Variants in GPD2 observed in about 807,000 individuals in gnomAD.
GPD2 encodes the protein glycerol-3-phosphate dehydrogenase, mitochondrial.
Under a neutral mutation model 82.4 loss-of-function variants are expected in GPD2, and 54 were observed. That is an observed-to-expected ratio of 0.66 (90% confidence interval 0.53 to 0.82). The LOEUF (loss-of-function observed/expected upper bound fraction) is 0.82. GPD2 is among the 40% of genes least tolerant of loss of function. The pLI, the probability that GPD2 is intolerant of heterozygous loss-of-function variation, is 0.00. For synonymous variants in GPD2, 288 were observed against 306.1 expected (o/e 0.94, Z 0.62); for missense variants, 748 against 896.2 (o/e 0.83, Z 2.11).
At chr2:156,515,450 G>A (rs1475067411) in intron 6 of GPD2, among the ~76,000 whole-genome samples, 1 of 151,710 alleles carries the variant, frequency 6.6e-6, no homozygotes, top group Admixed American at 6.6e-5. Flanking sequence ...GTTTTACATT[G>A]GTTTGGTATT....
chr2:156,580,555 T>C (rs1170989148), intron 16 of GPD2, among the ~76,000 whole-genome samples: 1 of 152,202 alleles, frequency 6.6e-6, no homozygotes, highest in Non-Finnish European at 1.5e-5. Flanking sequence ...TCTGTAGTGC[T>C]TCTTGGGCAG....
intron 2 of GPD2, among the ~76,000 whole-genome samples, chr2:156,490,474 T>A (rs533130191): frequency 3.9e-5 from 6 of 152,282 alleles, no homozygotes; most frequent in Admixed American, 2.6e-4. Context: ...CTGTATGTTT[T>A]AAAAAAATAT....
At chr2:156,556,728 C>T (rs1431426060) in intron 8 of GPD2, among the ~76,000 whole-genome samples, 4 of 152,098 alleles carry the variant, frequency 2.6e-5, no homozygotes, top group African/African-American at 9.7e-5. Flanking sequence ...TAGGACATTA[C>T]TATTTAGGGA....
intron 13 of GPD2, among the ~76,000 whole-genome samples, chr2:156,576,709 G>A (rs1388505396): frequency 1.3e-5 from 2 of 152,164 alleles, no homozygotes; most frequent in African/African-American, 2.4e-5. Flanking sequence ...ATTGAGTACC[G>A]TTTATGAAAA....
At chr2:156,434,950 C>T (rs1558896156), upstream of GPD2, among the ~76,000 whole-genome samples, 1 of 152,184 alleles carries the variant, frequency 6.6e-6, no homozygotes. Context: ...GCAGATCCCA[C>T]GTCCAGACTG....
At chr2:156,449,601 C>G (rs1682481216) in intron 1 of GPD2, among the ~76,000 whole-genome samples, 1 of 152,058 alleles carries the variant, frequency 6.6e-6, no homozygotes, top group Non-Finnish European at 1.5e-5. Flanking sequence ...TACATGCCAT[C>G]AAAGATTATG....
At chr2:156,451,849 T>C (rs188308341) in intron 1 of GPD2, among the ~76,000 whole-genome samples, 1,843 of 147,228 alleles carry the variant, frequency 0.013, 16 homozygotes, top group African/African-American at 0.018. Flanking sequence ...ACTTCTCAGA[T>C]GGGCGGAGGG....
At chr2:156,484,490 T>C (rs1355060077) in intron 2 of GPD2, among the ~76,000 whole-genome samples, 1 of 152,152 alleles carries the variant, frequency 6.6e-6, no homozygotes, top group East Asian at 1.9e-4. Context: ...TCCTAAATAG[T>C]CTTTGTTTTT....
chr2:156,434,495 G>T (rs1452387336), upstream of GPD2, among the ~76,000 whole-genome samples: 1 of 152,142 alleles, frequency 6.6e-6, no homozygotes, highest in Non-Finnish European at 1.5e-5. Context: ...ATTGTCTATA[G>T]ATTGTTCTTC....
At chr2:156,530,947 C>T (rs974937646) in intron 6 of GPD2, among the ~76,000 whole-genome samples, 1 of 152,208 alleles carries the variant, frequency 6.6e-6, no homozygotes, top group Non-Finnish European at 1.5e-5. Context: ...CCACCTCAGT[C>T]TCCCAAGTAG....
At chr2:156,464,603 T>C (rs571433463) in intron 1 of GPD2, among the ~76,000 whole-genome samples, 1 of 152,310 alleles carries the variant, frequency 6.6e-6, no homozygotes, top group East Asian at 1.9e-4. Flanking sequence ...TCACCACTTA[T>C]ACATTAAATA....
chr2:156,547,626 A>T (rs956502878), intron 6 of GPD2, among the ~76,000 whole-genome samples: 1 of 152,208 alleles, frequency 6.6e-6, no homozygotes. Context: ...TCCACCTCAC[A>T]TTTTAAACTG....
At chr2:156,400,849 G>A in the GPD2 span, among the ~76,000 whole-genome samples, 139,459 of 152,158 alleles carry the variant, frequency 0.92, 65,141 homozygotes, top group East Asian at 1. Flanking sequence ...CAAATCAGCC[G>A]ACGTTTGCTT....
At chr2:156,474,789 G>A (rs945147113) in intron 1 of GPD2, among the ~76,000 whole-genome samples, 15 of 152,132 alleles carry the variant, frequency 9.9e-5, no homozygotes, top group Non-Finnish European at 2.1e-4. Context: ...AGGAAAGAAA[G>A]TTAAGAGCTA....
At chr2:156,425,974 G>C in the GPD2 span, among the ~76,000 whole-genome samples, 1 of 150,702 alleles carries the variant, frequency 6.6e-6, no homozygotes, top group Non-Finnish European at 1.5e-5. Flanking sequence ...CCAGGCTGGA[G>C]TGCAGTGGCG....
chr2:156,476,728 T>C (rs1558917631), intron 2 of GPD2, among the ~76,000 whole-genome samples: 1 of 152,232 alleles, frequency 6.6e-6, no homozygotes, highest in Non-Finnish European at 1.5e-5. Context: ...AGTTTCCAAA[T>C]ATTATGAAGT....
chr2:156,499,852 A>C (rs1309525934), intron 3 of GPD2, among the ~76,000 whole-genome samples: 1 of 151,554 alleles, frequency 6.6e-6, no homozygotes, highest in Non-Finnish European at 1.5e-5. Context: ...TTGTCAATCA[A>C]GTTCTGAACC....
the GPD2 span, among the ~76,000 whole-genome samples, chr2:156,429,878 C>A: frequency 6.6e-6 from 1 of 152,150 alleles, no homozygotes; most frequent in Admixed American, 6.6e-5. Flanking sequence ...TTGGTCTGAT[C>A]CTGCTCAAGG....
intron 2 of GPD2, among the ~76,000 whole-genome samples, chr2:156,487,427 A>G (rs957391427): frequency 6.6e-6 from 1 of 152,222 alleles, no homozygotes; most frequent in African/African-American, 2.4e-5. Context: ...ACTAACTGCC[A>G]TCAACAGTTC....
Sources: gnomAD v4.1 joint callset for allele counts (sites outside exome capture counted in the v4.1 genomes callset) on GRCh38, gnomAD v4.1.1 for gene constraint, MANE v1.5 for transcripts, NCBI Gene and HGNC (gene_info 2026-07-23, HGNC 2026-07-21) for gene names.